Variants in GREB1L observed in about 807,000 individuals in gnomAD.
GREB1L encodes GREB1 like retinoic acid receptor coactivator.
In GREB1L, 17 loss-of-function variants were observed where a neutral mutation model predicts 200.8. The observed-to-expected ratio is 0.08, with a 90% CI of 0.06 to 0.13. The LOEUF (loss-of-function observed/expected upper bound fraction) is 0.13. GREB1L is among the 10% of genes least tolerant of loss of function. The pLI is 1.00. For synonymous variants in GREB1L, 789 were observed against 893.0 expected (o/e 0.88, Z 2.08); for missense variants, 1,657 against 2,367.7 (o/e 0.70, Z 6.23).
chr18:21,471,342 TC>T (rs1737670308), intron 15 of GREB1L, among the ~76,000 whole-genome samples: 2 of 152,176 alleles, frequency 1.3e-5, no homozygotes, highest in South Asian at 4.1e-4. Context: ...GGTACTACAC[TC>T]CCTATTTTAC....
chr18:21,401,703 A>G (rs1401304307), intron 6 of GREB1L: 1 of 162,360 alleles, frequency 6.2e-6, no homozygotes, highest in African/African-American at 2.4e-5. Context: ...TATTTTTTCT[A>G]TTTTAACTAG....
intron 11 of GREB1L, among the ~76,000 whole-genome samples, chr18:21,445,896 G>A (rs533773419): frequency 6.6e-6 from 1 of 152,292 alleles, no homozygotes; most frequent in East Asian, 1.9e-4. Flanking sequence ...ATTATAGACT[G>A]TGTTCTAAGA....
Position 21,457,474 on chromosome 18 carries a change from C to A in GREB1L, c.2182+2911C>A, listed in dbSNP as rs1335937415. Among the ~76,000 whole-genome samples the A allele has an allele frequency of 2.6e-5, 4 of 152,132 alleles. No homozygotes were observed. In the South Asian group the frequency reaches 6.2e-4, roughly 24 times the overall value. ...TTATTTTTAAAAAATAAAGTAGAAA[C>A]CTTTAAACATTTATAATCCTACCAT... is the stretch of plus-strand genomic sequence containing the variant. On this transcript the variant is annotated intron_variant, in intron 15 of 32. Transcript: ENST00000424526.
chr18:21,438,474 G>C (rs1392142588), intron 7 of GREB1L, among the ~76,000 whole-genome samples: 2 of 151,796 alleles, frequency 1.3e-5, no homozygotes, highest in Non-Finnish European at 2.9e-5. Flanking sequence ...AGACCAGTCT[G>C]GACAACATAG....
chr18:21,496,255 T>G (rs1014982605), intron 20 of GREB1L, among the ~76,000 whole-genome samples, 199 bp from the exon 21 acceptor site: 1 of 152,182 alleles, frequency 6.6e-6, no homozygotes, highest in African/African-American at 2.4e-5. Flanking sequence ...ACTCTTTTTA[T>G]ATTCGAAGAA....
intron 23 of GREB1L, among the ~76,000 whole-genome samples, chr18:21,503,817 A>T (rs752171757): frequency 2.0e-5 from 3 of 150,216 alleles, no homozygotes; most frequent in Admixed American, 6.7e-5. Context: ...GCCTTAGGGG[A>T]TCCACCCACC....
At chr18:21,499,343 G>A (rs2036679482) in intron 21 of GREB1L, among the ~76,000 whole-genome samples, 1 of 152,196 alleles carries the variant, frequency 6.6e-6, no homozygotes, top group Admixed American at 6.5e-5. Flanking sequence ...GGAGCAAGAG[G>A]TGTGCTGTGC....
chr18:21,497,739 T>C (rs547585402), intron 21 of GREB1L, among the ~76,000 whole-genome samples: 2 of 150,372 alleles, frequency 1.3e-5, no homozygotes, highest in East Asian at 3.9e-4. Flanking sequence ...AGATTAAAAA[T>C]GAAACACACG....
intron 21 of GREB1L, among the ~76,000 whole-genome samples, chr18:21,497,163 A>G (rs1403228866): frequency 6.6e-6 from 1 of 152,184 alleles, no homozygotes; most frequent in Admixed American, 6.5e-5. Flanking sequence ...TTGTATGCTG[A>G]GGGCTCCTCT....
At chr18:21,284,617 T>C (rs896466061) in intron 1 of GREB1L, among the ~76,000 whole-genome samples, 18 of 152,250 alleles carry the variant, frequency 1.2e-4, no homozygotes, top group African/African-American at 4.1e-4. Flanking sequence ...TAATAAATAG[T>C]GCTTGCTGCT....
chr18:21,292,508 A>G (rs886105249), intron 1 of GREB1L, among the ~76,000 whole-genome samples: 3 of 152,206 alleles, frequency 2.0e-5, no homozygotes, highest in Non-Finnish European at 2.9e-5. Flanking sequence ...CTCGTTAGCT[A>G]TCGCTTCTCA....
chr18:21,401,649 C>T (rs1026565435), intron 6 of GREB1L, among the ~76,000 whole-genome samples: 11 of 152,056 alleles, frequency 7.2e-5, no homozygotes, highest in African/African-American at 2.4e-4. Context: ...GGTTAGATGC[C>T]GTTTTTACTC....
intron 15 of GREB1L, among the ~76,000 whole-genome samples, chr18:21,464,297 AG>A (rs571466174): frequency 6.6e-5 from 10 of 152,184 alleles, no homozygotes; most frequent in African/African-American, 2.4e-4. Context: ...TGGGAGGCCG[AG>A]GGGGGCGGAT....
chr18:21,500,189 C>T lies in GREB1L; in HGVS notation c.3852C>T (p.Tyr1284=). 41 of 1,550,046 alleles carry T rather than the reference C, an allele frequency of 2.6e-5. No individual in the cohort carries two copies. The highest frequency in any genetic ancestry group is 3.4e-5 in the Non-Finnish European group (39 of 1,146,878). ...TGAGCAGTGAGGAGCAGTCCCTCTA[C>T]TACAGGCAGTGGACCTTGGCCCGGC... ...KDMSSEEQSL[Y]YRQWTLARQH... is the part of the protein sequence containing the mutation. Residue 1284 remains tyrosine, a synonymous_variant, in exon 22 of 33, where the codon TAC becomes TAT. Transcript: ENST00000424526.
intron 1 of GREB1L, among the ~76,000 whole-genome samples, chr18:21,294,985 ATCT>A: frequency 1.3e-5 from 2 of 152,272 alleles, no homozygotes; most frequent in Admixed American, 1.3e-4. Context: ...GCCATTAGAC[ATCT>A]TCTATTAGTT....
chr18:21,426,838 A>G (rs2032620735), intron 7 of GREB1L, among the ~76,000 whole-genome samples: 1 of 151,878 alleles, frequency 6.6e-6, no homozygotes, highest in Non-Finnish European at 1.5e-5. Flanking sequence ...AGGCACCTGT[A>G]GTCCCAGCTA....
At chr18:21,516,780 T>C (rs2146100973) in intron 30 of GREB1L, 26 bp downstream of exon 30, 1 of 1,544,060 alleles carries the variant, frequency 6.5e-7, no homozygotes, top group Non-Finnish European at 8.8e-7. Context: ...TTGATTCAAG[T>C]GCTGAAAATA....
chr18:21,401,400 C>T, intron 6 of GREB1L, 74 bp downstream of exon 6: 3 of 1,261,470 alleles, frequency 2.4e-6, no homozygotes, highest in Non-Finnish European at 3.3e-6. Context: ...ATACAAGATT[C>T]AGAGTTCAGG....
At chr18:21,428,404 C>CTTTTTTTTTTTTTTTTTTTTTTTTT (rs2032822870) in intron 7 of GREB1L, among the ~76,000 whole-genome samples, 1 of 84,826 alleles carries the variant, frequency 1.2e-5, no homozygotes, top group African/African-American at 5.3e-5. Context: ...TTTGTAGATG[C>CTTTTTTTTTTTTTTTTTTTTTTTTT]TTTTTATCAA....
Sources: gnomAD v4.1 joint callset for allele counts (sites outside exome capture counted in the v4.1 genomes callset) on GRCh38, gnomAD v4.1.1 for gene constraint, MANE v1.5 for transcripts, NCBI Gene and HGNC (gene_info 2026-07-23, HGNC 2026-07-21) for gene names.